Variants in UMAD1 observed in about 807,000 individuals in gnomAD.
UMAD1 encodes the protein UBAP1-MVB12-associated (UMA) domain containing 1.
Under a neutral mutation model 6.1 loss-of-function variants are expected in UMAD1, and 8 were observed. The observed-to-expected ratio is 1.30, with a 90% CI of 0.76 to 2.35. UMAD1 has a LOEUF of 2.35. Ranked by LOEUF, UMAD1 falls within the 30% of genes most tolerant of loss-of-function variation. UMAD1 has a pLI of 0.00. For missense variants in UMAD1, 130 were observed against 78.4 expected, an observed-to-expected ratio of 1.66 and a Z score of -2.49; for synonymous variants, 56 against 31.4, an observed-to-expected ratio of 1.78 and a Z score of -2.61.
chr7:7,847,699 G>A (rs562079752), intron 3 of UMAD1, among the ~76,000 whole-genome samples: 104 of 152,070 alleles, frequency 6.8e-4, no homozygotes, highest in African/African-American at 2.3e-3. Context: ...GACTCTTCCC[G>A]ACTCTGGTGC....
chr7:7,706,342 A>C (rs1318756039), intron 2 of UMAD1, among the ~76,000 whole-genome samples: 1 of 152,156 alleles, frequency 6.6e-6, no homozygotes, highest in Non-Finnish European at 1.5e-5. Flanking sequence ...TTATCACCCT[A>C]GTCTGGGTTT....
intron 1 of UMAD1, among the ~76,000 whole-genome samples, chr7:7,664,124 A>G (rs1779370492): frequency 6.6e-6 from 1 of 152,246 alleles, no homozygotes; most frequent in African/African-American, 2.4e-5. Context: ...TTTACATAAT[A>G]GCTGGATTTC....
At chr7:7,783,719 C>G (rs1351986895) in intron 2 of UMAD1, among the ~76,000 whole-genome samples, 1 of 152,024 alleles carries the variant, frequency 6.6e-6, no homozygotes. Flanking sequence ...AACAAAGCAC[C>G]AAAGCCAGAA....
intron 3 of UMAD1, among the ~76,000 whole-genome samples, chr7:7,875,710 C>T (rs558457082): frequency 1.3e-5 from 2 of 152,276 alleles, no homozygotes; most frequent in Non-Finnish European, 1.5e-5. Context: ...AGCCTGCCAA[C>T]CACAAAAAGC....
At chr7:7,787,726 C>CT (rs1254524320) in intron 2 of UMAD1, among the ~76,000 whole-genome samples, 1 of 152,186 alleles carries the variant, frequency 6.6e-6, no homozygotes, top group Non-Finnish European at 1.5e-5. Context: ...CCTGTTTCTT[C>CT]TACCCTTGCA....
At chr7:7,786,224 C>G (rs1326753797) in intron 2 of UMAD1, among the ~76,000 whole-genome samples, 1 of 152,168 alleles carries the variant, frequency 6.6e-6, no homozygotes, top group Non-Finnish European at 1.5e-5. Flanking sequence ...CTTTAATTTC[C>G]CTCCATCTTG....
intron 3 of UMAD1, among the ~76,000 whole-genome samples, chr7:7,847,241 A>G (rs1230607149): frequency 6.7e-6 from 1 of 149,240 alleles, no homozygotes; most frequent in Non-Finnish European, 1.5e-5. Flanking sequence ...TTAGCATTGA[A>G]AGTTCTGCAT....
rs1563169747 is a variant in UMAD1, at chr7:7,741,586, ATAAT to A, written c.83-60083_83-60080del. On this transcript the variant is annotated intron_variant, in intron 2 of 3. Coordinates refer to ENST00000682710, the MANE Select transcript of UMAD1 (RefSeq NM_001302348.2). ...AGCGAGACAACGTCTCAAAATAATA[ATAAT>A]AATAATAATAATAATAATAATAATA... Among the ~76,000 whole-genome samples the A allele has an allele frequency of 1.5e-3, 138 of 90,928 alleles. 1 individual carries two copies. Among genetic ancestry groups the A allele is most frequent in the South Asian group, 5.7e-3 (16 of 2,800 alleles). 59.7% of individuals were successfully genotyped at this position (90,928 alleles called of 152,430 possible).
intron 2 of UMAD1, among the ~76,000 whole-genome samples, chr7:7,762,930 A>G (rs17137419): frequency 0.048 from 7,271 of 152,254 alleles, 564 homozygotes; most frequent in African/African-American, 0.17. Context: ...ATTGTTTTAA[A>G]TGCTTTTAAG....
At chr7:7,716,098 C>G (rs1474970152) in intron 2 of UMAD1, among the ~76,000 whole-genome samples, 2 of 151,910 alleles carry the variant, frequency 1.3e-5, no homozygotes, top group Non-Finnish European at 2.9e-5. Flanking sequence ...ATGCAGAAAG[C>G]AAACAAGCTG....
At chr7:7,784,795 T>A (rs1782427915) in intron 2 of UMAD1, among the ~76,000 whole-genome samples, 1 of 130,676 alleles carries the variant, frequency 7.7e-6, no homozygotes, top group Non-Finnish European at 1.5e-5. Flanking sequence ...GGAGTCTTGC[T>A]GTGTCGCCCA....
intron 3 of UMAD1, among the ~76,000 whole-genome samples, chr7:7,829,328 G>A (rs1032928374): frequency 6.6e-6 from 1 of 152,280 alleles, no homozygotes; most frequent in Non-Finnish European, 1.5e-5. Context: ...CTACAAGTTT[G>A]GGGAACAGGT....
chr7:7,743,979 CAT>C (rs1563172019), intron 2 of UMAD1, among the ~76,000 whole-genome samples: 1 of 152,098 alleles, frequency 6.6e-6, no homozygotes, highest in East Asian at 1.9e-4. Context: ...TGGCTTTTAA[CAT>C]ATCCACACAA....
At chr7:7,699,151 G>T (rs1780394544) in intron 2 of UMAD1, among the ~76,000 whole-genome samples, 1 of 151,960 alleles carries the variant, frequency 6.6e-6, no homozygotes, top group Admixed American at 6.6e-5. Flanking sequence ...ACCGTGCCTG[G>T]CTGGGTTCCC....
chr7:7,708,909 GTGTT>G, intron 2 of UMAD1, among the ~76,000 whole-genome samples: 1 of 152,044 alleles, frequency 6.6e-6, no homozygotes, highest in East Asian at 1.9e-4. Context: ...CAAGGGGTGT[GTGTT>G]TGTGTTTGTG....
At chr7:7,663,137 C>G (rs796405980) in intron 1 of UMAD1, among the ~76,000 whole-genome samples, 6 of 150,440 alleles carry the variant, frequency 4.0e-5, no homozygotes, top group African/African-American at 1.5e-4. Context: ...TTTTTGCCTT[C>G]TTTCCCTCTT....
At chr7:7,799,634 G>A (rs1353469160) in intron 2 of UMAD1, among the ~76,000 whole-genome samples, 1 of 152,128 alleles carries the variant, frequency 6.6e-6, no homozygotes, top group Non-Finnish European at 1.5e-5. Context: ...CATCGTGCAT[G>A]TGCATTGTTA....
chr7:7,829,124 C>T (rs1467019784), intron 3 of UMAD1, among the ~76,000 whole-genome samples: 1 of 152,180 alleles, frequency 6.6e-6, no homozygotes, highest in African/African-American at 2.4e-5. Flanking sequence ...GTTCTTACCA[C>T]TGGCATTAAT....
At chr7:7,796,959 G>C (rs1266589990) in intron 2 of UMAD1, among the ~76,000 whole-genome samples, 1 of 152,076 alleles carries the variant, frequency 6.6e-6, no homozygotes, top group African/African-American at 2.4e-5. Flanking sequence ...TTCTTTTTCT[G>C]CTGCAGCCCA....
Sources: allele counts gnomAD v4.1 joint callset (sites outside exome capture counted in the v4.1 genomes callset), GRCh38; gene constraint gnomAD v4.1.1; transcripts MANE v1.5; gene names NCBI Gene and HGNC (gene_info 2026-07-23, HGNC 2026-07-21).